Variants in SMAD3 observed in about 807,000 individuals in gnomAD.
SMAD3 encodes SMAD family member 3.
SMAD3 carries 12 observed loss-of-function variants against 51.8 expected under a neutral mutation model. The observed-to-expected ratio is 0.23, with a 90% CI of 0.15 to 0.38. The LOEUF (loss-of-function observed/expected upper bound fraction) is 0.38, where lower values mean the gene tolerates loss of function less well. Among genes scored for constraint, SMAD3 ranks in the 10% least tolerant of loss-of-function variants. The pLI is 1.00. For synonymous variants in SMAD3, 238 were observed against 227.7 expected (o/e 1.05, Z -0.41); for missense variants, 294 against 565.6 (o/e 0.52, Z 4.87).
chr15:67,152,879 T>C (rs947298787), intron 1 of SMAD3, among the ~76,000 whole-genome samples: 1 of 151,972 alleles, frequency 6.6e-6, no homozygotes. Context: ...CCCTAAACAC[T>C]CTCCTCCTCC....
At chr15:67,177,426 T>TTTTTTTTTTTTC (rs72533215) in intron 5 of SMAD3, among the ~76,000 whole-genome samples, 1 of 137,080 alleles carries the variant, frequency 7.3e-6, no homozygotes, top group Non-Finnish European at 1.6e-5. Flanking sequence ...TTTTGGGTTT[T>TTTTTTTTTTTTC]TTTTTTTTTG....
chr15:67,071,940 G>A (rs1333157721), intron 1 of SMAD3, among the ~76,000 whole-genome samples: 1 of 152,214 alleles, frequency 6.6e-6, no homozygotes, highest in African/African-American at 2.4e-5. Context: ...CTAGACGCCT[G>A]AGTTTCTGAA....
rs113365583 is a variant in SMAD3 at position 67,101,914 on chromosome 15, C to T, written c.206+35554C>T. Among the ~76,000 whole-genome samples the T allele has an allele frequency of 6.8e-3, 1,040 of 152,304 alleles. 12 individuals are homozygous for T. Among genetic ancestry groups the T allele is most frequent in the African/African-American group, 0.024 (992 of 41,552 alleles). On this transcript the variant is annotated intron_variant, in intron 1 of 8. Coordinates refer to ENST00000327367, the MANE Select transcript of SMAD3 (RefSeq NM_005902.4). ...CAAGGATGGGTGCCACTGAAAGAAA[C>T]AAGAATGAATGCAAACTAGTTTGTG...
chr15:67,115,251 C>CT (rs11287770), intron 1 of SMAD3, among the ~76,000 whole-genome samples: 195 of 150,002 alleles, frequency 1.3e-3, no homozygotes, highest in Middle Eastern at 6.8e-3. Context: ...GTAGGAAAGT[C>CT]TTTTTTTTTT....
chr15:67,067,768 GAA>G (rs1959961113), intron 1 of SMAD3, among the ~76,000 whole-genome samples: 1 of 152,174 alleles, frequency 6.6e-6, no homozygotes, highest in Non-Finnish European at 1.5e-5. Flanking sequence ...GCTGTCTGGG[GAA>G]GTCTCTGGGC....
rs557862805 is a variant in SMAD3, at chr15:67,145,191, G to C, written c.207-19704G>C. Among the ~76,000 whole-genome samples, 4 of 152,286 alleles carry C rather than the reference G, an allele frequency of 2.6e-5. No individual in the cohort carries two copies. In the South Asian group the frequency reaches 8.3e-4, roughly 32 times the overall value. ...CAAAGACTGTCAGAAAAGGGACCTT[G>C]GAAATATCTGGTCCAGCCTGCCCAT... is the stretch of plus-strand genomic sequence containing the variant. On this transcript the variant is annotated intron_variant, in intron 1 of 8. Coordinates refer to ENST00000327367, the MANE Select transcript of SMAD3 (RefSeq NM_005902.4).
intron 1 of SMAD3, among the ~76,000 whole-genome samples, chr15:67,135,112 G>A (rs1328960607): frequency 6.6e-6 from 1 of 152,180 alleles, no homozygotes; most frequent in East Asian, 1.9e-4. Context: ...TGGAGCCACA[G>A]GAGAGAAGAT....
At chr15:67,092,853 T>C (rs1595894580) in intron 1 of SMAD3, among the ~76,000 whole-genome samples, 3 of 152,346 alleles carry the variant, frequency 2.0e-5, no homozygotes, top group South Asian at 4.1e-4. Context: ...ACAGGCACGA[T>C]GTTCCATATA....
At chr15:67,141,494 C>T (rs935534780) in intron 1 of SMAD3, among the ~76,000 whole-genome samples, 4 of 152,142 alleles carry the variant, frequency 2.6e-5, no homozygotes, top group Non-Finnish European at 5.9e-5. Flanking sequence ...CTTAACCCAG[C>T]AGTAGTCCCC....
intron 1 of SMAD3, among the ~76,000 whole-genome samples, chr15:67,145,332 C>T (rs1194371199): frequency 1.3e-5 from 2 of 152,148 alleles, no homozygotes; most frequent in Non-Finnish European, 2.9e-5. Flanking sequence ...TTTTCACAAT[C>T]CACGAAGGGG....
chr15:67,139,875 T>G (rs1385585337), intron 1 of SMAD3, among the ~76,000 whole-genome samples: 2 of 151,984 alleles, frequency 1.3e-5, no homozygotes, highest in African/African-American at 4.8e-5. Flanking sequence ...TCCCAGCACT[T>G]TGGGAGGCCG....
intron 1 of SMAD3, among the ~76,000 whole-genome samples, chr15:67,093,548 T>C (rs373941756): frequency 6.6e-6 from 1 of 152,190 alleles, no homozygotes; most frequent in Non-Finnish European, 1.5e-5. Context: ...CCAGCAGCCC[T>C]GTCAAGCGGG....
chr15:67,178,872 T>C (rs1325423504), intron 5 of SMAD3, among the ~76,000 whole-genome samples: 1 of 152,056 alleles, frequency 6.6e-6, no homozygotes, highest in Non-Finnish European at 1.5e-5. Context: ...CCTTCCCCAT[T>C]AAGTACTTTT....
intron 5 of SMAD3, among the ~76,000 whole-genome samples, chr15:67,175,800 G>A (rs567135110): frequency 3.9e-5 from 6 of 152,306 alleles, no homozygotes; most frequent in East Asian, 1.9e-4. Flanking sequence ...GAGTGTGGAC[G>A]GCGGCCCAGG....
chr15:67,118,239 G>A (rs1363150333), intron 1 of SMAD3, among the ~76,000 whole-genome samples: 1 of 152,244 alleles, frequency 6.6e-6, no homozygotes, highest in African/African-American at 2.4e-5. Context: ...CTGCAGTGGG[G>A]GAGCCCAGTG....
chr15:67,121,629 A>C (rs1362102376), intron 1 of SMAD3, among the ~76,000 whole-genome samples: 1 of 152,198 alleles, frequency 6.6e-6, no homozygotes, highest in Admixed American at 6.5e-5. Flanking sequence ...ATTTGTGAAG[A>C]AAACAAAACA....
At position 67,191,852 on chromosome 15, in the gene SMAD3, G is replaced by A. The variant is rs996604810; in HGVS notation, c.*1316G>A. 6 of 229,198 alleles carry A rather than the reference G, an allele frequency of 2.6e-5. No homozygotes were observed. Among genetic ancestry groups the A allele is most frequent in the African/African-American group, 8.9e-5 (4 of 45,118 alleles). The allele number at this position is 229,198 out of a possible 1,614,324, so 14.2% of individuals were successfully genotyped here. ...ATCTAGCTCCCGGTAGAGGATCACC[G>A]GTGACAACTATAGCAGTTGTATTGT... On this transcript the variant is annotated 3_prime_UTR_variant, in exon 9 of 9. Coordinates refer to ENST00000327367, the MANE Select transcript of SMAD3 (RefSeq NM_005902.4).
At chr15:67,185,829 A>G (rs1327060832) in intron 7 of SMAD3, among the ~76,000 whole-genome samples, 1 of 152,260 alleles carries the variant, frequency 6.6e-6, no homozygotes, top group African/African-American at 2.4e-5. Flanking sequence ...CAGCCCACAG[A>G]ACATGGCCTG....
At chr15:67,174,135 C>T (rs890981748) in intron 5 of SMAD3, among the ~76,000 whole-genome samples, 6 of 152,196 alleles carry the variant, frequency 3.9e-5, no homozygotes, top group African/African-American at 1.2e-4. Flanking sequence ...GTGGCCTCTC[C>T]TCCAGCCCCC....
Sources: allele counts gnomAD v4.1 joint callset (sites outside exome capture counted in the v4.1 genomes callset), GRCh38; gene constraint gnomAD v4.1.1; transcripts MANE v1.5; gene names NCBI Gene and HGNC (gene_info 2026-07-23, HGNC 2026-07-21).